PRMT7: variants seen among roughly 807,000 people sequenced by gnomAD.
PRMT7 encodes the protein protein arginine N-methyltransferase 7.
PRMT7 carries 75 observed loss-of-function variants against 85.4 expected under a neutral mutation model. That is an observed-to-expected ratio of 0.88 (90% CI 0.73 to 1.06). PRMT7 has a LOEUF of 1.06. Among genes scored for constraint, PRMT7 ranks in the 50% least tolerant of loss-of-function variants. PRMT7 has a pLI of 0.00. For missense variants in PRMT7, 868 were observed against 915.2 expected, an observed-to-expected ratio of 0.95 and a Z score of 0.67; for synonymous variants, 397 against 359.5, an observed-to-expected ratio of 1.10 and a Z score of -1.18.
intron 6 of PRMT7, 133 bp downstream of exon 6, chr16:68,329,307 G>T: frequency 1.6e-6 from 1 of 615,228 alleles, no homozygotes; most frequent in Non-Finnish European, 2.9e-6. Flanking sequence ...AGCTCTGACA[G>T]TAAGGACTTG....
intron 12 of PRMT7, 103 bp from the exon 13 acceptor site, chr16:68,347,528 C>G: frequency 7.7e-7 from 1 of 1,302,850 alleles, no homozygotes; most frequent in Non-Finnish European, 1.1e-6. Flanking sequence ...GAGGGTTGTT[C>G]AGGTGTGTCC....
intron 2 of PRMT7, 56 bp from the exon 3 acceptor site, chr16:68,315,837 AATAG>A (rs2044671080): frequency 4.3e-6 from 3 of 699,958 alleles, no homozygotes; most frequent in Non-Finnish European, 7.6e-6. Flanking sequence ...TTGTGCTGTT[AATAG>A]ATTTTTTTTC....
rs1227321695 is a variant in PRMT7, at chr16:68,312,128, C to G, written c.-132C>G. On this transcript the variant is annotated 5_prime_UTR_variant, in exon 2 of 19. Coordinates refer to ENST00000441236, the MANE Select transcript of PRMT7 (RefSeq NM_019023.5). Reference sequence around the variant, plus strand: ...CCTCCTGGGCTCAAGCGATCCTCACCTCGGCCTACCGAGTAGCTGGGACTA... The same window carrying G: ...CCTCCTGGGCTCAAGCGATCCTCACGTCGGCCTACCGAGTAGCTGGGACTA... 6 of 151,488 alleles carry G rather than the reference C, an allele frequency of 4.0e-5. No homozygotes were observed. The highest frequency in any genetic ancestry group is 3.9e-4 in the East Asian group (2 of 5,182). 9.4% of individuals were successfully genotyped at this position (151,488 alleles called of 1,614,324 possible). A position where few individuals can be genotyped will look rare whatever the true frequency, so the allele number is the denominator to read the frequency against.
intron 4 of PRMT7, chr16:68,322,453 C>T (rs1215656443): frequency 9.4e-5 from 42 of 446,934 alleles, no homozygotes; most frequent in Non-Finnish European, 1.5e-4. Flanking sequence ...CCGCCTTGGT[C>T]TCCCAAAGTG....
At chr16:68,313,542 TCTC>T (rs1333111545) in intron 2 of PRMT7, among the ~76,000 whole-genome samples, 5 of 152,106 alleles carry the variant, frequency 3.3e-5, no homozygotes, top group African/African-American at 4.8e-5. Flanking sequence ...ACCCCCTCCT[TCTC>T]CTCCTGCCTC....
At chr16:68,320,654 A>G (rs1388837487) in intron 3 of PRMT7, among the ~76,000 whole-genome samples, 1 of 152,136 alleles carries the variant, frequency 6.6e-6, no homozygotes, top group Non-Finnish European at 1.5e-5. Context: ...AGTGCTGCAG[A>G]GATTTGTTTA....
At chr16:68,334,934 C>T (rs1207768101) in intron 6 of PRMT7, among the ~76,000 whole-genome samples, 1 of 151,946 alleles carries the variant, frequency 6.6e-6, no homozygotes, top group East Asian at 1.9e-4. Context: ...GTAGCTGGGA[C>T]TACAGGCGCG....
At chr16:68,332,442 A>C (rs1267147382) in intron 6 of PRMT7, among the ~76,000 whole-genome samples, 1 of 152,162 alleles carries the variant, frequency 6.6e-6, no homozygotes, top group Non-Finnish European at 1.5e-5. Context: ...CAGTTACTGT[A>C]ACCTTTCTGG....
intron 16 of PRMT7, 53 bp from the exon 17 acceptor site, chr16:68,355,670 C>T: frequency 2.1e-6 from 3 of 1,449,036 alleles, no homozygotes; most frequent in Non-Finnish European, 1.8e-6. Flanking sequence ...AGCGGTACCT[C>T]TGTCTAGCTG....
intron 3 of PRMT7, among the ~76,000 whole-genome samples, chr16:68,316,430 GA>G (rs2081863094): frequency 6.6e-6 from 1 of 152,128 alleles, no homozygotes; most frequent in Non-Finnish European, 1.5e-5. Context: ...TGAAAAAAAT[GA>G]AAATGGTTTT....
chr16:68,339,499 AT>A lies in PRMT7; in HGVS notation c.684del (p.Gln229SerfsTer2). 1 of 1,614,208 alleles carries A rather than the reference AT, an allele frequency of 6.2e-7. No individual in the cohort carries two copies. The highest frequency in any genetic ancestry group is 8.5e-7 in the Non-Finnish European group (1 of 1,180,046). The stretch of plus-strand genomic sequence containing the variant: ...CCCTGGCGCACCCTCTGTCTGTGAC[AT>A]TCAGCTGAACCAGGTGTCACCAGCC... ...SCPGAPSVCD[I>X]QLNQVSPADF... On this transcript the variant is annotated frameshift_variant, in exon 8 of 19. Transcript: ENST00000441236. LOFTEE classifies it high-confidence loss of function.
chr16:68,351,122 A>G (rs770885383), intron 14 of PRMT7, among the ~76,000 whole-genome samples: 2 of 152,190 alleles, frequency 1.3e-5, no homozygotes, highest in African/African-American at 2.4e-5. Flanking sequence ...CCGGGGTCAC[A>G]TTGAATTGGA....
chr16:68,347,163 C>T (rs773470155), intron 11 of PRMT7, 48 bp from the exon 12 acceptor site: 8 of 1,526,022 alleles, frequency 5.2e-6, no homozygotes, highest in African/African-American at 4.1e-5. Context: ...CAGGAATCTT[C>T]TGGCAAACTG....
Position 68,322,799 on chromosome 16 carries a change from G to A in PRMT7, c.132+1337G>A, listed in dbSNP as rs550644521. Among the ~76,000 whole-genome samples the A allele has an allele frequency of 5.0e-3, 765 of 152,146 alleles. 1 individual carries two copies. The highest frequency in any genetic ancestry group is 9.4e-3 in the Non-Finnish European group (638 of 67,998). ...TGTAATCCCAGCACTTTGGGAAGCC[G>A]AGGCAGGCAGATCACGGGGTCAGGA... On this transcript the variant is annotated intron_variant, in intron 4 of 18. Transcript: ENST00000441236.
In PRMT7 at chr16:68,321,727, T is replaced by TA. The variant is rs1682669851; in HGVS notation, c.132+269dup. The TA allele has an allele frequency of 8.4e-6, 3 of 357,154 alleles. No individual in the cohort carries two copies. In the Admixed American group the frequency reaches 1.4e-4, roughly 16 times the overall value. 22.1% of individuals were successfully genotyped at this position (357,154 alleles called of 1,614,324 possible). On this transcript the variant is annotated intron_variant, in intron 4 of 18. Transcript: ENST00000441236. ...ATGTGATGAATATATGTGTATGGTG[T>TA]AAAATGATTGAATCAAGCTAATTAA...
chr16:68,311,105 G>A lies in PRMT7; in HGVS notation c.-219+6G>A. On this transcript the variant is annotated splice_donor_region_variant and intron_variant, in intron 1 of 18. Coordinates refer to ENST00000441236, the MANE Select transcript of PRMT7 (RefSeq NM_019023.5). ...CGGAGGGTTTCCCGCGGCGGGTGAGGCGCTGGGTATGCTGGGAAGGTGGGG... is the reference window on the plus strand; with the variant it reads ...CGGAGGGTTTCCCGCGGCGGGTGAGACGCTGGGTATGCTGGGAAGGTGGGG... 4.3e-6 allele frequency: 3 copies of A among 703,742 alleles called. No homozygotes were observed. The highest frequency in any genetic ancestry group is 7.7e-6 in the Non-Finnish European group (3 of 390,726). The allele number at this position is 703,742 out of a possible 1,614,324, so 43.6% of individuals were successfully genotyped here. A position where few individuals can be genotyped will look rare whatever the true frequency, so the allele number is the denominator to read the frequency against.
At chr16:68,349,031 C>A in intron 14 of PRMT7, among the ~76,000 whole-genome samples, 1 of 152,264 alleles carries the variant, frequency 6.6e-6, no homozygotes, top group East Asian at 1.9e-4. Flanking sequence ...GTCCTTTCCT[C>A]TCCACCGCAC....
chr16:68,329,582 T>G (rs1393200530), intron 6 of PRMT7: 1 of 158,440 alleles, frequency 6.3e-6, no homozygotes, highest in African/African-American at 2.4e-5. Context: ...TTTATTTATT[T>G]TTTTGAGAGA....
At chr16:68,315,144 A>G (rs1412337784) in intron 2 of PRMT7, 3 of 151,818 alleles carry the variant, frequency 2.0e-5, no homozygotes, top group Admixed American at 6.6e-5. Context: ...GAATGCTAAT[A>G]TCGTGAACAT....
Sources: allele counts gnomAD v4.1 joint callset (sites outside exome capture counted in the v4.1 genomes callset), GRCh38; gene constraint gnomAD v4.1.1; transcripts MANE v1.5; gene names NCBI Gene and HGNC (gene_info 2026-07-23, HGNC 2026-07-21).